Variants in TBC1D5 observed in about 807,000 individuals in gnomAD.
The protein encoded by TBC1D5 is TBC1 domain family, member 5.
TBC1D5 carries 75 observed loss-of-function variants against 100.3 expected under a neutral mutation model. That is an observed-to-expected ratio of 0.75 (90% CI 0.62 to 0.91). TBC1D5 has a LOEUF of 0.91. Ranked by LOEUF, TBC1D5 falls within the 40% of genes least tolerant of loss-of-function variation. TBC1D5 has a pLI of 0.00. For missense variants in TBC1D5, 910 were observed against 942.4 expected (o/e 0.97, Z 0.45); for synonymous variants, 323 against 325.6 (o/e 0.99, Z 0.09).
At chr3:17,360,293 G>A (rs1371483564) in intron 13 of TBC1D5, among the ~76,000 whole-genome samples, 1 of 151,904 alleles carries the variant, frequency 6.6e-6, no homozygotes, top group East Asian at 1.9e-4. Context: ...GTATACTTAT[G>A]TTCAAAGAAC....
intron 1 of TBC1D5, among the ~76,000 whole-genome samples, chr3:17,673,329 G>C (rs940785253): frequency 2.7e-5 from 1 of 37,566 alleles, no homozygotes. Flanking sequence ...TTTTTTTTTT[G>C]AGACAGGGTC....
rs531140861 is a variant in TBC1D5 at position 17,600,507 on chromosome 3, G to C, written c.-36+23342C>G. On this transcript the variant is annotated intron_variant, in intron 2 of 21. Transcript: ENST00000253692. ...CCTTTAAAATATTTAAAGATTCCAT[G>C]CAAGATTATTACTATGGTCTCATCG... Among the ~76,000 whole-genome samples the C allele has an allele frequency of 1.2e-4, 18 of 152,150 alleles. No homozygotes were observed. In the East Asian group the frequency reaches 3.1e-3, roughly 26 times the overall value.
exon 19 of TBC1D5, chr3:17,185,116 A>T: frequency 6.2e-7 from 1 of 1,611,036 alleles, no homozygotes; most frequent in Non-Finnish European, 8.5e-7. Context: ...TACCAAGATG[A>T]GTGTCCATCA....
At chr3:17,540,221 T>C (rs559452833) in intron 2 of TBC1D5, among the ~76,000 whole-genome samples, 2 of 152,368 alleles carry the variant, frequency 1.3e-5, no homozygotes, top group East Asian at 3.9e-4. Flanking sequence ...ATTCTCCATA[T>C]ATGCATTATA....
chr3:17,568,220 C>T (rs941785411), intron 2 of TBC1D5, among the ~76,000 whole-genome samples: 1 of 151,292 alleles, frequency 6.6e-6, no homozygotes, highest in Non-Finnish European at 1.5e-5. Context: ...TATATATTTT[C>T]ACTACCAATT....
At chr3:17,638,825 TAA>T (rs1212446408) in intron 1 of TBC1D5, among the ~76,000 whole-genome samples, 1 of 152,210 alleles carries the variant, frequency 6.6e-6, no homozygotes. Flanking sequence ...GAGAAAATTT[TAA>T]GTTATAAAAG....
At chr3:17,585,298 T>C (rs1392419552) in intron 2 of TBC1D5, among the ~76,000 whole-genome samples, 1 of 152,180 alleles carries the variant, frequency 6.6e-6, no homozygotes, top group Non-Finnish European at 1.5e-5. Flanking sequence ...ATGTAAAAAG[T>C]TAAACATGTT....
intron 13 of TBC1D5, among the ~76,000 whole-genome samples, chr3:17,353,815 G>C (rs186313684): frequency 6.6e-6 from 1 of 152,044 alleles, no homozygotes; most frequent in African/African-American, 2.4e-5. Context: ...TTTATTAGCA[G>C]CAAGCTCCAT....
intron 2 of TBC1D5, among the ~76,000 whole-genome samples, chr3:17,609,740 A>T (rs979604674): frequency 1.3e-5 from 2 of 152,164 alleles, no homozygotes; most frequent in African/African-American, 4.8e-5. Flanking sequence ...CAAGGACACA[A>T]CACCCAAGAG....
At chr3:17,406,476 C>T in exon 5 of TBC1D5, 1 of 1,612,040 alleles carries the variant, frequency 6.2e-7, no homozygotes, top group South Asian at 1.1e-5. Flanking sequence ...CCCCTTCTGC[C>T]TTATTGTTGC....
intron 2 of TBC1D5, 49 bp from the exon 3 acceptor site, chr3:17,508,654 A>ATG: frequency 1.1e-6 from 1 of 915,800 alleles, no homozygotes; most frequent in East Asian, 2.5e-5. Context: ...TTTTTCTGCT[A>ATG]TGACTGGGAA....
At chr3:17,209,735 C>T (rs1222474336) in intron 18 of TBC1D5, among the ~76,000 whole-genome samples, 3 of 152,130 alleles carry the variant, frequency 2.0e-5, no homozygotes, top group African/African-American at 7.2e-5. Flanking sequence ...TACCAATTGT[C>T]CTTTTTTGGG....
chr3:17,668,056 G>T (rs1489392581), intron 1 of TBC1D5, among the ~76,000 whole-genome samples: 2 of 150,416 alleles, frequency 1.3e-5, no homozygotes, highest in African/African-American at 4.9e-5. Context: ...TTCTACATAT[G>T]ATTTAATTCT....
intron 2 of TBC1D5, among the ~76,000 whole-genome samples, chr3:17,541,941 T>C (rs749644898): frequency 2.9e-4 from 44 of 152,212 alleles, no homozygotes; most frequent in Admixed American, 7.9e-4. Flanking sequence ...TTATAAAGTT[T>C]AATTTATAAA....
At chr3:17,577,331 T>G (rs1050073430) in intron 2 of TBC1D5, among the ~76,000 whole-genome samples, 1 of 151,986 alleles carries the variant, frequency 6.6e-6, no homozygotes, top group Non-Finnish European at 1.5e-5. Flanking sequence ...TTAAAGACAG[T>G]AACATTTACT....
chr3:17,668,192 A>C (rs1483620247), intron 1 of TBC1D5, among the ~76,000 whole-genome samples: 1 of 149,392 alleles, frequency 6.7e-6, no homozygotes, highest in African/African-American at 2.4e-5. Context: ...TATATCTTAA[A>C]TCTCCCACAT....
chr3:17,611,331 G>C (rs2061654814), intron 2 of TBC1D5, among the ~76,000 whole-genome samples: 1 of 152,116 alleles, frequency 6.6e-6, no homozygotes, highest in Non-Finnish European at 1.5e-5. Context: ...ATGTAATAGA[G>C]ATGATACTTT....
intron 1 of TBC1D5, among the ~76,000 whole-genome samples, chr3:17,734,891 G>C (rs2153993501): frequency 6.6e-6 from 1 of 151,642 alleles, no homozygotes. Context: ...TTTGAGACCA[G>C]CCTGGGCAAC....
At chr3:17,349,672 A>T (rs767276509) in intron 13 of TBC1D5, among the ~76,000 whole-genome samples, 3 of 152,186 alleles carry the variant, frequency 2.0e-5, no homozygotes, top group Non-Finnish European at 4.4e-5. Context: ...GAGAGCTGAG[A>T]GGTTCCCAAA....
Sources: gnomAD v4.1 joint callset for allele counts (sites outside exome capture counted in the v4.1 genomes callset) on GRCh38, gnomAD v4.1.1 for gene constraint, MANE v1.5 for transcripts, NCBI Gene and HGNC (gene_info 2026-07-23, HGNC 2026-07-21) for gene names.